Variants in CTNND2 observed in about 807,000 individuals in gnomAD.
The protein encoded by CTNND2 is catenin delta 2.
In CTNND2, 22 loss-of-function variants were observed where a neutral mutation model predicts 144.4. That is an observed-to-expected ratio of 0.15 (90% CI 0.11 to 0.22). The LOEUF is 0.22. CTNND2 is among the 10% of genes least tolerant of loss of function. The pLI is 1.00. For missense variants in CTNND2, 1,353 were observed against 1,618.8 expected, an observed-to-expected ratio of 0.84 and a Z score of 2.82; for synonymous variants, 751 against 695.6, an observed-to-expected ratio of 1.08 and a Z score of -1.25.
intron 18 of CTNND2, among the ~76,000 whole-genome samples, chr5:10,992,959 G>A (rs978086119): frequency 6.6e-6 from 1 of 152,114 alleles, no homozygotes; most frequent in Non-Finnish European, 1.5e-5. Context: ...CTTCGACTTC[G>A]ATGAAAATAC....
At chr5:11,875,670 A>C (rs532583061) in intron 1 of CTNND2, among the ~76,000 whole-genome samples, 5 of 152,210 alleles carry the variant, frequency 3.3e-5, no homozygotes, top group African/African-American at 4.8e-5. Context: ...TCTGCAAGCC[A>C]TCAAGAACCC....
intron 2 of CTNND2, among the ~76,000 whole-genome samples, chr5:11,688,610 T>C (rs996289602): frequency 1.3e-5 from 2 of 152,214 alleles, no homozygotes; most frequent in African/African-American, 4.8e-5. Flanking sequence ...AACCCTGTGC[T>C]TTTTACATTT....
intron 16 of CTNND2, among the ~76,000 whole-genome samples, chr5:11,061,504 G>A (rs527293978): frequency 5.4e-4 from 82 of 152,168 alleles, no homozygotes; most frequent in Non-Finnish European, 8.2e-4. Context: ...TTTGCCACCT[G>A]CGAACCTCTC....
Position 11,723,274 on chromosome 5 carries a change from A to G in CTNND2, c.174+8862T>C, listed in dbSNP as rs528469086. Among the ~76,000 whole-genome samples the G allele has an allele frequency of 8.5e-4, 130 of 152,324 alleles. No individual in the cohort carries two copies. The South Asian group carries it at 0.025, about 29-fold the overall frequency. On this transcript the variant is annotated intron_variant, in intron 2 of 21. Transcript: ENST00000304623. ...GTTTCAAAAAAAAAGACAAAGACAC[A>G]TTTTATTAATGAAGGATATAGTTGA...
At chr5:11,412,807 C>T (rs969580969) in intron 3 of CTNND2, among the ~76,000 whole-genome samples, 1 of 152,054 alleles carries the variant, frequency 6.6e-6, no homozygotes, top group African/African-American at 2.4e-5. Flanking sequence ...TGTAAATAAT[C>T]GGTGAGAAAT....
chr5:11,679,961 C>T (rs1403845131), intron 2 of CTNND2, among the ~76,000 whole-genome samples: 1 of 152,088 alleles, frequency 6.6e-6, no homozygotes, highest in African/African-American at 2.4e-5. Context: ...ACAGGAATTA[C>T]AGAAGAATAG....
chr5:11,147,423 A>C (rs1468543872), intron 12 of CTNND2, among the ~76,000 whole-genome samples: 1 of 152,222 alleles, frequency 6.6e-6, no homozygotes, highest in African/African-American at 2.4e-5. Flanking sequence ...AAAAGACCTC[A>C]ACGTATAGAA....
chr5:11,291,048 G>A (rs1748292789), intron 9 of CTNND2, among the ~76,000 whole-genome samples: 1 of 151,992 alleles, frequency 6.6e-6, no homozygotes, highest in Non-Finnish European at 1.5e-5. Flanking sequence ...GTGAAGAGAA[G>A]TGATCATGGA....
At chr5:11,481,472 G>C (rs114231204) in intron 3 of CTNND2, among the ~76,000 whole-genome samples, 1 of 152,092 alleles carries the variant, frequency 6.6e-6, no homozygotes, top group Non-Finnish European at 1.5e-5. Context: ...GTGTGGTGGC[G>C]CAGGCCTATA....
intron 2 of CTNND2, among the ~76,000 whole-genome samples, chr5:11,658,255 C>G (rs969328931): frequency 1.3e-5 from 2 of 151,714 alleles, no homozygotes; most frequent in Non-Finnish European, 2.9e-5. Context: ...TGTGTGTGTT[C>G]CTGTTGACTC....
intron 1 of CTNND2, among the ~76,000 whole-genome samples, chr5:11,890,322 T>C (rs1464825103): frequency 5.3e-5 from 8 of 152,194 alleles, no homozygotes; most frequent in Non-Finnish European, 1.5e-5. Context: ...GTATTTATCA[T>C]GAGATAACCT....
rs374574252 is a variant in CTNND2, at chr5:11,408,528, T to C, written c.439+3008A>G. On this transcript the variant is annotated intron_variant, in intron 5 of 21. Coordinates refer to ENST00000304623, the MANE Select transcript of CTNND2 (RefSeq NM_001332.4). ...ACTTTTATCAATTGTTTCTTTTTTG[T>C]TTTGTTTCTTTTCCTTTCTTCAAAG... is the stretch of plus-strand genomic sequence containing the variant. 2.0e-5 allele frequency among the ~76,000 whole-genome samples: 3 copies of C among 152,264 alleles called. No individual in the cohort carries two copies. In the East Asian group the frequency reaches 5.8e-4, roughly 29 times the overall value.
chr5:11,845,628 C>A (rs1706585504), intron 1 of CTNND2, among the ~76,000 whole-genome samples: 1 of 152,186 alleles, frequency 6.6e-6, no homozygotes, highest in Non-Finnish European at 1.5e-5. Flanking sequence ...AAAGAGACAC[C>A]TTGGTCTTTG....
At chr5:11,759,259 ATAT>A (rs1789119126) in intron 1 of CTNND2, among the ~76,000 whole-genome samples, 1 of 151,956 alleles carries the variant, frequency 6.6e-6, no homozygotes, top group Admixed American at 6.6e-5. Context: ...TCAATTAGGG[ATAT>A]TATATTTTAC....
intron 16 of CTNND2, among the ~76,000 whole-genome samples, chr5:11,041,941 G>C (rs1205927683): frequency 6.6e-6 from 1 of 152,200 alleles, no homozygotes; most frequent in East Asian, 1.9e-4. Context: ...AATTAGCAAA[G>C]TAAAGGCTCT....
At chr5:11,393,111 T>C (rs552397596) in intron 6 of CTNND2, among the ~76,000 whole-genome samples, 5 of 152,308 alleles carry the variant, frequency 3.3e-5, no homozygotes, top group African/African-American at 1.2e-4. Flanking sequence ...GATTATGATA[T>C]AGCATTAATG....
At chr5:11,225,048 T>C (rs1361014608) in intron 10 of CTNND2, among the ~76,000 whole-genome samples, 5 of 152,146 alleles carry the variant, frequency 3.3e-5, no homozygotes, top group East Asian at 1.9e-4. Flanking sequence ...CAGAAAGTCA[T>C]TGTGAGAAAG....
chr5:11,668,304 G>T lies in CTNND2; in HGVS notation c.174+63832C>A, dbSNP rs1208478863. Among the ~76,000 whole-genome samples, 6 of 152,196 alleles carry T rather than the reference G, an allele frequency of 3.9e-5. No individual in the cohort carries two copies. In the East Asian group the frequency reaches 7.7e-4, roughly 20 times the overall value. ...AGTTTTTTCCAATTCTGTGAAGAAAGTCAATGGTAGCTTGATGGGGATAGC... is the reference window on the plus strand; with the variant it reads ...AGTTTTTTCCAATTCTGTGAAGAAATTCAATGGTAGCTTGATGGGGATAGC... On this transcript the variant is annotated intron_variant, in intron 2 of 21. Coordinates refer to ENST00000304623, the MANE Select transcript of CTNND2 (RefSeq NM_001332.4).
At chr5:11,605,005 C>T (rs1221520972) in intron 2 of CTNND2, among the ~76,000 whole-genome samples, 2 of 152,192 alleles carry the variant, frequency 1.3e-5, no homozygotes, top group African/African-American at 2.4e-5. Flanking sequence ...TTAGTTATAG[C>T]ACCAGGATTC....
Sources: gnomAD v4.1 joint callset for allele counts (sites outside exome capture counted in the v4.1 genomes callset) on GRCh38, gnomAD v4.1.1 for gene constraint, MANE v1.5 for transcripts, NCBI Gene and HGNC (gene_info 2026-07-23, HGNC 2026-07-21) for gene names.